Variants in SYNE1 observed in about 807,000 individuals in gnomAD.
SYNE1 encodes the protein spectrin repeat containing nuclear envelope protein 1, also known as nesprin-1.
A neutral mutation model predicts 1,111.0 loss-of-function variants in SYNE1; 616 were observed. The observed-to-expected ratio is 0.55, with a 90% confidence interval of 0.52 to 0.59. The LOEUF is 0.59. Ranked by LOEUF, SYNE1 falls within the 20% of genes least tolerant of loss-of-function variation. The pLI, the probability that SYNE1 is intolerant of heterozygous loss-of-function variation, is 0.00. For synonymous variants in SYNE1, 3,855 were observed against 3,825.8 expected, an observed-to-expected ratio of 1.01 and a Z score of -0.28; for missense variants, 10,006 against 10,417.0, an observed-to-expected ratio of 0.96 and a Z score of 1.72.
chr6:152,219,610 T>G (rs545009268), intron 119 of SYNE1, among the ~76,000 whole-genome samples: 26 of 152,156 alleles, frequency 1.7e-4, no homozygotes, highest in Non-Finnish European at 3.5e-4. Flanking sequence ...AATGTTATAT[T>G]TTTCCTTTTT....
In SYNE1 at chr6:152,507,318, C is replaced by A. The variant is rs182549198; in HGVS notation, c.582-1921G>T. 7.8e-4 allele frequency among the ~76,000 whole-genome samples: 118 copies of A among 152,168 alleles called. 1 individual carries two copies. Among genetic ancestry groups the A allele is most frequent in the African/African-American group, 2.5e-3 (105 of 41,530 alleles). On this transcript the variant is annotated intron_variant, in intron 8 of 145. Transcript: ENST00000367255. The stretch of plus-strand genomic sequence containing the variant: ...ATATTCACCATGTAATTAGCTATTT[C>A]TAATTTTCTTGAACTTATGTATTGT...
rs752787446 is a variant in SYNE1 at position 152,302,221 on chromosome 6, A to G, written c.17347-158T>C. 4.3e-6 allele frequency: 4 copies of G among 927,724 alleles called. 1 individual carries two copies. In the South Asian group the frequency reaches 5.7e-5, roughly 13 times the overall value. The allele number at this position is 927,724 out of a possible 1,614,324, so 57.5% of individuals were successfully genotyped here. On this transcript the variant is annotated intron_variant, in intron 91 of 145. Coordinates refer to ENST00000367255, the MANE Select transcript of SYNE1 (RefSeq NM_182961.4). ...GCGGCGAGTCCTCCTGCATCTCGCT[A>G]CCGAGCCAGACCGCAGGCTGCGCGG...
intron 3 of SYNE1, among the ~76,000 whole-genome samples, chr6:152,549,699 G>C (rs2099330603): frequency 6.6e-6 from 1 of 152,140 alleles, no homozygotes; most frequent in Admixed American, 6.5e-5. Flanking sequence ...TGGGCTTGAG[G>C]GAAAAGATGA....
chr6:152,157,282 G>A (rs2061560887), intron 131 of SYNE1, among the ~76,000 whole-genome samples: 1 of 152,206 alleles, frequency 6.6e-6, no homozygotes, highest in African/African-American at 2.4e-5. Flanking sequence ...CAGCAACATG[G>A]ATGGAACCGG....
rs376766873 is a variant in SYNE1 at position 152,339,284 on chromosome 6, G to A, written c.12308C>T (p.Ser4103Leu). The change falls in exon 75 of 146, where the codon TCG (serine) becomes TTG (leucine). Residue 4103 changes from serine (S) to leucine (L), a missense_variant. Physicochemically the swap from Ser to Leu is moderately radical, Grantham distance 145. Around this residue, in one of 7 missense-constraint regions of SYNE1, gnomAD observed 4,955 missense variants for 5,017.2 expected, o/e 0.99. Transcript: ENST00000367255. The stretch of plus-strand genomic sequence containing the variant: ...AATGTCTTTTGCTGTGGTTTTCACC[G>A]AAGCATTTGACAGGTCACACATGGA... ...LCSMCDLSNA[S>L]VKTTAKDIQQ... 5.6e-6 allele frequency: 9 copies of A among 1,613,846 alleles called. No homozygotes were observed. Among genetic ancestry groups the A allele is most frequent in the East Asian group, 2.2e-5 (1 of 44,878 alleles).
At chr6:152,461,923 G>A (rs1564202438) in intron 20 of SYNE1, among the ~76,000 whole-genome samples, 183 bp from the exon 21 acceptor site, 1 of 151,896 alleles carries the variant, frequency 6.6e-6, no homozygotes, top group Non-Finnish European at 1.5e-5. Flanking sequence ...ATATTATATA[G>A]TTAATAAAAT....
intron 99 of SYNE1, 83 bp downstream of exon 99, chr6:152,269,072 A>G (rs1191692760): frequency 6.3e-7 from 1 of 1,596,998 alleles, no homozygotes; most frequent in African/African-American, 1.3e-5. Flanking sequence ...TACAGAAGCA[A>G]CTTGTCTGTC....
At position 152,347,175 on chromosome 6, in the gene SYNE1, C is replaced by T. The variant is rs148782440; in HGVS notation, c.11962G>A (p.Asp3988Asn). 1.4e-5 allele frequency: 22 copies of T among 1,614,184 alleles called. No individual in the cohort carries two copies. Among genetic ancestry groups the T allele is most frequent in the Middle Eastern group, 1.6e-4 (1 of 6,062 alleles). Reference protein sequence around the residue: ...DRLNNLQMKGDTLIGQCADHL... With the variant: ...DRLNNLQMKGNTLIGQCADHL... ...TCTGCACATTGGCCAATCAAAGTATCACCTTTCATTTGAAGATTGTTCAAA... is the reference window on the plus strand; with the variant it reads ...TCTGCACATTGGCCAATCAAAGTATTACCTTTCATTTGAAGATTGTTCAAA... Residue 3988 changes from aspartate to asparagine, a missense_variant, in exon 73 of 146, where the codon GAT (aspartate) becomes AAT (asparagine). Coordinates refer to ENST00000367255, the MANE Select transcript of SYNE1 (RefSeq NM_182961.4).
At chr6:152,262,882 T>C (rs2092212747) in intron 100 of SYNE1, among the ~76,000 whole-genome samples, 1 of 150,410 alleles carries the variant, frequency 6.6e-6, no homozygotes, top group South Asian at 2.1e-4. Context: ...CCTGGGAACG[T>C]AGTACAGGGC....
rs760346614 is a variant in SYNE1 at position 152,331,266 on chromosome 6, C to T, written c.13419G>A (p.Glu4473=). Residue 4473 remains glutamate, a synonymous_variant, in exon 78 of 146, where the codon GAG becomes GAA. Transcript: ENST00000367255. ...FQATSQIQQH[E]RKIMFREHIC... ...TGTGTTCACGGAACATTATCTTTCG[C>T]TCATGTTGCTGAATTTGGCTGGTGG... The T allele has an allele frequency of 3.1e-6, 5 of 1,614,118 alleles. No individual in the cohort carries two copies. Among genetic ancestry groups the T allele is most frequent in the South Asian group, 1.1e-5 (1 of 91,078 alleles).
chr6:152,541,654 A>C (rs894901143), intron 3 of SYNE1, among the ~76,000 whole-genome samples: 1 of 150,072 alleles, frequency 6.7e-6, no homozygotes, highest in Non-Finnish European at 1.5e-5. Context: ...AGGCTGAGGC[A>C]GGAGAATGGT....
At chr6:152,598,371 T>G (rs1336844744) in intron 3 of SYNE1, among the ~76,000 whole-genome samples, 2 of 152,210 alleles carry the variant, frequency 1.3e-5, no homozygotes, top group African/African-American at 2.4e-5. Context: ...CACGTGGAAC[T>G]GTGAGCCCGT....
chr6:152,122,182 T>C lies in SYNE1; in HGVS notation c.*254A>G. 1 of 544,948 alleles carries C rather than the reference T, an allele frequency of 1.8e-6. No individual in the cohort carries two copies. The highest frequency in any genetic ancestry group is 1.9e-5 in the African/African-American group (1 of 52,570). 33.8% of individuals were successfully genotyped at this position (544,948 alleles called of 1,614,324 possible). A position where few individuals can be genotyped will look rare whatever the true frequency, so the allele number is the denominator to read the frequency against. On this transcript the variant is annotated 3_prime_UTR_variant, in exon 146 of 146. Coordinates refer to ENST00000367255, the MANE Select transcript of SYNE1 (RefSeq NM_182961.4). ...GGGAACTTTGGAGGTCCTTACTCAA[T>C]CTCCTTAGTGCTAAGGTTCAGAGTC...
In SYNE1 at chr6:152,559,859, T is replaced by C. The variant is rs547875205; in HGVS notation, c.68-19838A>G. Among the ~76,000 whole-genome samples the C allele has an allele frequency of 8.6e-5, 13 of 152,014 alleles. No individual in the cohort carries two copies. In the South Asian group the frequency reaches 2.3e-3, roughly 27 times the overall value. ...AACTAAGAGTTGGTTTTTGAAAAGA[T>C]AAACACAATTACAAACTTTTAGCTA... On this transcript the variant is annotated intron_variant, in intron 3 of 145. Transcript: ENST00000367255.
chr6:152,254,244 CTTTTTTTTTTT>C (rs773598537), intron 104 of SYNE1, among the ~76,000 whole-genome samples: 9 of 73,144 alleles, frequency 1.2e-4, no homozygotes, highest in Admixed American at 6.2e-4. Flanking sequence ...TCTGCATACT[CTTTTTTTTTTT>C]TTTTTTTTTT....
chr6:152,173,024 AC>A (rs1402515787), intron 130 of SYNE1, among the ~76,000 whole-genome samples: 2 of 152,240 alleles, frequency 1.3e-5, no homozygotes, highest in African/African-American at 4.8e-5. Flanking sequence ...CTGCTGTATT[AC>A]ATACAGCAGA....
chr6:152,363,416 C>T (rs1011050735), intron 63 of SYNE1, among the ~76,000 whole-genome samples: 14 of 150,656 alleles, frequency 9.3e-5, no homozygotes, highest in Admixed American at 5.3e-4. Context: ...ATGGCGTGAA[C>T]CCGGGAGGCG....
chr6:152,249,063 C>A, intron 105 of SYNE1, 98 bp downstream of exon 105: 1 of 863,396 alleles, frequency 1.2e-6, no homozygotes, highest in Admixed American at 1.8e-5. Context: ...AAAAGTGCCA[C>A]TGTGAGCCAT....
chr6:152,189,358 C>T lies in SYNE1; in HGVS notation c.23195G>A (p.Ser7732Asn). The T allele has an allele frequency of 6.2e-7, 1 of 1,614,102 alleles. No individual in the cohort carries two copies. Among genetic ancestry groups the T allele is most frequent in the Non-Finnish European group, 8.5e-7 (1 of 1,180,002 alleles). ...GSWTDDLTQL[S>N]LLKDTLSAYI... The stretch of plus-strand genomic sequence containing the variant: ...GGCAGAGAGGGTGTCCTTCAGCAGG[C>T]TCAACTGGGTCAAGTCATCTGTCCA... The change falls in exon 128 of 146, where the codon AGC becomes AAC. Residue 7732 changes from serine (S) to asparagine (N), a missense_variant. This residue lies in a region of SYNE1 where 2,182 missense variants were observed against 2,287.8 expected (regional missense o/e 0.95). Coordinates refer to ENST00000367255, the MANE Select transcript of SYNE1 (RefSeq NM_182961.4).
Sources: allele counts gnomAD v4.1 joint callset (sites outside exome capture counted in the v4.1 genomes callset), GRCh38; gene constraint gnomAD v4.1.1; regional missense constraint gnomAD v4.1.1; transcripts MANE v1.5; gene names NCBI Gene and HGNC (gene_info 2026-07-23, HGNC 2026-07-21).